The following PLCB4 variants were observed in gnomAD, a reference collection of about 807,000 sequenced individuals.
The protein encoded by PLCB4 is 1-phosphatidylinositol 4,5-bisphosphate phosphodiesterase beta-4.
A neutral mutation model predicts 178.8 loss-of-function variants in PLCB4; 77 were observed. That is an observed-to-expected ratio of 0.43 (90% CI 0.36 to 0.52). The LOEUF is 0.52. PLCB4 is among the 20% of genes least tolerant of loss of function. PLCB4 has a pLI of 0.00. For synonymous variants in PLCB4, 496 were observed against 490.8 expected (o/e 1.01, Z -0.14); for missense variants, 1,024 against 1,453.4 (o/e 0.70, Z 4.80).
At chr20:9,297,202 T>C (rs2094648003) in intron 3 of PLCB4, among the ~76,000 whole-genome samples, 1 of 152,062 alleles carries the variant, frequency 6.6e-6, no homozygotes, top group Non-Finnish European at 1.5e-5. Context: ...AAGGTTGATA[T>C]ATCTTGCATG....
chr20:9,181,994 T>C (rs1288249396), intron 2 of PLCB4, among the ~76,000 whole-genome samples: 1 of 152,144 alleles, frequency 6.6e-6, no homozygotes, highest in Admixed American at 6.5e-5. Flanking sequence ...AAGTGAGTAA[T>C]AGATTTTAGC....
chr20:9,291,282 G>A (rs1047301367), intron 3 of PLCB4, among the ~76,000 whole-genome samples: 13 of 152,156 alleles, frequency 8.5e-5, no homozygotes, highest in African/African-American at 2.9e-4. Context: ...TCTCCCTGCT[G>A]GTCTATCAGA....
intron 4 of PLCB4, among the ~76,000 whole-genome samples, chr20:9,335,673 C>T (rs529280756): frequency 3.9e-5 from 6 of 152,200 alleles, no homozygotes; most frequent in Non-Finnish European, 8.8e-5. Context: ...GTAGGTGGAA[C>T]TACTTCCACT....
intron 39 of PLCB4, among the ~76,000 whole-genome samples, chr20:9,477,401 A>G (rs765095009): frequency 5.9e-5 from 9 of 152,166 alleles, no homozygotes; most frequent in Admixed American, 2.0e-4. Context: ...CTCATATAAG[A>G]ACTTAGCTGT....
intron 2 of PLCB4, among the ~76,000 whole-genome samples, chr20:9,208,717 T>G (rs148275386): frequency 6.6e-6 from 1 of 152,114 alleles, no homozygotes; most frequent in Non-Finnish European, 1.5e-5. Context: ...TTTTCTGTAT[T>G]TTGTGTAGAG....
intron 7 of PLCB4, among the ~76,000 whole-genome samples, chr20:9,346,958 G>A (rs1288831236): frequency 6.6e-6 from 1 of 152,120 alleles, no homozygotes; most frequent in Non-Finnish European, 1.5e-5. Context: ...TTCCTTGCCT[G>A]CCAGTTCTCA....
At chr20:9,144,913 G>A (rs560307430) in intron 2 of PLCB4, among the ~76,000 whole-genome samples, 1 of 152,220 alleles carries the variant, frequency 6.6e-6, no homozygotes, top group South Asian at 2.1e-4. Flanking sequence ...CAGTTAGGAG[G>A]ATGTTTAAAA....
intron 7 of PLCB4, 108 bp from the exon 8 acceptor site, chr20:9,362,788 G>C (rs1412244320): frequency 2.8e-6 from 2 of 701,792 alleles, no homozygotes; most frequent in South Asian, 3.1e-5. Context: ...GACAAAAGAA[G>C]AGTTTGTGTT....
chr20:9,281,845 A>G (rs2094497024), intron 3 of PLCB4, among the ~76,000 whole-genome samples: 1 of 152,018 alleles, frequency 6.6e-6, no homozygotes, highest in Admixed American at 6.6e-5. Context: ...TAAATATTCC[A>G]TGACTACTTT....
intron 3 of PLCB4, among the ~76,000 whole-genome samples, chr20:9,274,868 A>T (rs1360799978): frequency 6.6e-6 from 1 of 152,040 alleles, no homozygotes; most frequent in East Asian, 1.9e-4. Flanking sequence ...TAAAATCTAT[A>T]CTAATTATTT....
chr20:9,232,873 C>T (rs1345294423), intron 3 of PLCB4, among the ~76,000 whole-genome samples: 4 of 151,982 alleles, frequency 2.6e-5, no homozygotes, highest in South Asian at 2.1e-4. Context: ...GTTCAGTCTC[C>T]GATAGTTTAA....
At chr20:9,280,358 T>C (rs1337243642) in intron 3 of PLCB4, 27 of 613,266 alleles carry the variant, frequency 4.4e-5, no homozygotes, top group South Asian at 7.2e-5. Context: ...GCTCTTCACA[T>C]TGGATTTCCA....
chr20:9,359,919 A>T (rs1031039051), intron 7 of PLCB4, among the ~76,000 whole-genome samples: 2 of 152,188 alleles, frequency 1.3e-5, no homozygotes, highest in Middle Eastern at 3.4e-3. Context: ...ACTTTATGTT[A>T]AAAAAACCCC....
chr20:9,180,690 C>G (rs1600943449), intron 2 of PLCB4, among the ~76,000 whole-genome samples: 2 of 152,154 alleles, frequency 1.3e-5, no homozygotes, highest in African/African-American at 2.4e-5. Flanking sequence ...TCAGTGTTCT[C>G]AATTCCTCCC....
chr20:9,203,054 A>ATATATAT (rs1381757895), intron 2 of PLCB4, among the ~76,000 whole-genome samples: 14 of 127,410 alleles, frequency 1.1e-4, no homozygotes, highest in African/African-American at 4.5e-4. Context: ...AAAAAAAAAA[A>ATATATAT]AAATATATAT....
At chr20:9,433,892 A>C (rs1214385519) in intron 28 of PLCB4, among the ~76,000 whole-genome samples, 1 of 152,154 alleles carries the variant, frequency 6.6e-6, no homozygotes, top group Admixed American at 6.5e-5. Flanking sequence ...TGGGAGAATA[A>C]ATTGATGCAA....
rs2091743969 is a variant in PLCB4 at position 9,115,471 on chromosome 20, A to G, written c.-79+19129A>G. The stretch of plus-strand genomic sequence containing the variant: ...ACTTTAAGTTTTAGGGTACATGTGC[A>G]CAATGTGCAGGTTTGTTACATATGT... On this transcript the variant is annotated intron_variant, in intron 2 of 39. Transcript: ENST00000378473. 4.6e-5 allele frequency among the ~76,000 whole-genome samples: 7 copies of G among 151,326 alleles called. No homozygotes were observed. In the South Asian group the frequency reaches 1.5e-3, roughly 32 times the overall value.
At chr20:9,211,127 A>G (rs2093668681) in intron 2 of PLCB4, among the ~76,000 whole-genome samples, 1 of 152,114 alleles carries the variant, frequency 6.6e-6, no homozygotes, top group Non-Finnish European at 1.5e-5. Flanking sequence ...TATGGAAGTC[A>G]TTAGGTGCTA....
intron 7 of PLCB4, among the ~76,000 whole-genome samples, chr20:9,360,028 G>A (rs1362946162): frequency 6.6e-6 from 1 of 152,186 alleles, no homozygotes; most frequent in East Asian, 1.9e-4. Context: ...CCTTTACCAT[G>A]TCGTGAGGAG....
Sources: allele counts gnomAD v4.1 joint callset (sites outside exome capture counted in the v4.1 genomes callset), GRCh38; gene constraint gnomAD v4.1.1; transcripts MANE v1.5; gene names NCBI Gene and HGNC (gene_info 2026-07-23, HGNC 2026-07-21).